TRMT2A: variants seen among roughly 807,000 people sequenced by gnomAD.
The protein encoded by TRMT2A is tRNA (uracil-5-)-methyltransferase homolog A.
TRMT2A carries 60 observed loss-of-function variants against 59.3 expected under a neutral mutation model. That is an observed-to-expected ratio of 1.01 (90% CI 0.82 to 1.26). The LOEUF (loss-of-function observed/expected upper bound fraction) is 1.26, where lower values mean the gene tolerates loss of function less well. TRMT2A is among the 50% of genes most tolerant of loss of function. The pLI is 0.00. For synonymous variants in TRMT2A, 403 were observed against 353.7 expected (o/e 1.14, Z -1.56); for missense variants, 863 against 845.2 (o/e 1.02, Z -0.26).
rs761896320 is a variant in TRMT2A at position 20,114,568 on chromosome 22, G to A, written c.1233+6C>T. On this transcript the variant is annotated splice_donor_region_variant and intron_variant, in intron 7 of 11. Transcript: ENST00000252136. ...GTCCCCATGCCCACCAGGGACTCAT[G>A]GCTACCTGGAAGAAGGCGTGTGGAG... 1.5e-5 allele frequency: 24 copies of A among 1,612,280 alleles called. No homozygotes were observed. The highest frequency in any genetic ancestry group is 3.3e-5 in the Admixed American group (2 of 59,998).
Position 20,116,881 on chromosome 22 carries a change from A to G in TRMT2A, c.24+2T>C. ...TCTACCCAGCGTCTCCCCGCACTCT[A>G]CCTCGTTGTCGAGGTTCTCACTCAT... On this transcript the variant is annotated splice_donor_variant, in intron 1 of 11. Transcript: ENST00000252136. LOFTEE classifies it high-confidence loss of function. 1.3e-6 allele frequency: 2 copies of G among 1,593,346 alleles called. No homozygotes were observed. The highest frequency in any genetic ancestry group is 8.5e-7 in the Non-Finnish European group (1 of 1,174,340).
rs566532042 is a variant in TRMT2A, at chr22:20,116,539, G to A, written c.98C>T (p.Pro33Leu). The A allele has an allele frequency of 1.2e-6, 2 of 1,601,510 alleles. No homozygotes were observed. The highest frequency in any genetic ancestry group is 1.1e-5 in the South Asian group (1 of 90,186). ...CTCCTCCAGGGCTGCCGGGGCTGCAGGGGGCACCGAGACGGTAGGGCAGCT... is the reference window on the plus strand; with the variant it reads ...CTCCTCCAGGGCTGCCGGGGCTGCAAGGGGCACCGAGACGGTAGGGCAGCT... ...ALSCPTVSVP[P>L]AAPAALEEVE... The change falls in exon 2 of 12, where the codon CCT becomes CTT. Residue 33 changes from proline to leucine, a missense_variant. By Grantham distance (98) the Pro-to-Leu change is moderately conservative. Coordinates refer to ENST00000252136, the MANE Select transcript of TRMT2A (RefSeq NM_022727.6).
At position 20,111,998 on chromosome 22, in the gene TRMT2A, C is replaced by G. The variant is rs2147949684; in HGVS notation, c.*565G>C. The G allele has an allele frequency of 6.4e-6, 1 of 155,538 alleles. No homozygotes were observed. The highest frequency in any genetic ancestry group is 6.5e-5 in the Admixed American group (1 of 15,460). 9.6% of individuals were successfully genotyped at this position (155,538 alleles called of 1,614,324 possible). ...TGCCTTTGTAACAGCTGAGCAGCAC[C>G]CCAGCATGGCCCCTTCCTTGGTTGA... is the stretch of plus-strand genomic sequence containing the variant. On this transcript the variant is annotated 3_prime_UTR_variant, in exon 12 of 12. Coordinates refer to ENST00000252136, the MANE Select transcript of TRMT2A (RefSeq NM_022727.6).
rs2049889711 is a variant in TRMT2A, at chr22:20,112,916, A to AAAG, written c.1638_1640dup (p.Phe547dup). 1 of 1,613,552 alleles carries AAAG rather than the reference A, an allele frequency of 6.2e-7. No individual in the cohort carries two copies. Among genetic ancestry groups the AAAG allele is most frequent in the Non-Finnish European group, 8.5e-7 (1 of 1,179,970 alleles). On this transcript the variant is annotated inframe_insertion, in exon 11 of 12. Coordinates refer to ENST00000252136, the MANE Select transcript of TRMT2A (RefSeq NM_022727.6). ...AGGCCCCTGCAGACACTCACTCCAC[A>AAAG]AAGTTGCCCATGGCTGCCCGGGGGT...
At position 20,116,541 on chromosome 22, in the gene TRMT2A, G is replaced by C; in HGVS notation, c.96C>G (p.Pro32=). 1 of 1,600,942 alleles carries C rather than the reference G, an allele frequency of 6.2e-7. No homozygotes were observed. The stretch of plus-strand genomic sequence containing the variant: ...CCTCCAGGGCTGCCGGGGCTGCAGG[G>C]GGCACCGAGACGGTAGGGCAGCTCA... ...SALSCPTVSV[P]PAAPAALEEV... Residue 32 remains proline, a synonymous_variant, in exon 2 of 12, where the codon CCC becomes CCG. Coordinates refer to ENST00000252136, the MANE Select transcript of TRMT2A (RefSeq NM_022727.6).
Position 20,116,614 on chromosome 22 carries a change from T to TG in TRMT2A, c.25-3dup. The TG allele has an allele frequency of 6.5e-7, 1 of 1,534,294 alleles. No individual in the cohort carries two copies. The highest frequency in any genetic ancestry group is 2.1e-5 in the Admixed American group (1 of 47,752). ...ACAGCTCTCCATGGGCTTCGGGCCC[T>TG]GTGTGGGGACAGATGGGGTGCTAGG... On this transcript the variant is annotated splice_polypyrimidine_tract_variant and splice_region_variant and intron_variant, in intron 1 of 11. Transcript: ENST00000252136.
Position 20,116,968 on chromosome 22 carries a change from T to G in TRMT2A, c.-62A>C. On this transcript the variant is annotated 5_prime_UTR_variant, in exon 1 of 12. Transcript: ENST00000252136. ...TGGGGGCCGCCTGGCCACCTCGTCC[T>G]GGGCCTGTCACAAGGGAAGTGGCCT... 6.4e-7 allele frequency: 1 copy of G among 1,558,094 alleles called. No homozygotes were observed. Among genetic ancestry groups the G allele is most frequent in the South Asian group, 1.2e-5 (1 of 84,762 alleles).
chr22:20,113,875 C>T, intron 7 of TRMT2A, 67 bp from the exon 8 acceptor site: 1 of 1,484,326 alleles, frequency 6.7e-7, no homozygotes, highest in Non-Finnish European at 8.9e-7. Context: ...GCCCCGACGC[C>T]CACATTCCTG....
At chr22:20,113,914 G>T (rs962406056) in intron 7 of TRMT2A, 106 bp from the exon 8 acceptor site, 3 of 1,384,886 alleles carry the variant, frequency 2.2e-6, no homozygotes, top group Non-Finnish European at 2.8e-6. Flanking sequence ...GACCTCCGGC[G>T]CCCACTCCCC....
At position 20,112,686 on chromosome 22, in the gene TRMT2A, C is replaced by T. The variant is rs199683338; in HGVS notation, c.1755G>A (p.Leu585=). ...PQTPHCEMLI[L]FERVEHPNGT... is the part of the protein sequence containing the mutation. The stretch of plus-strand genomic sequence containing the variant: ...CATTGGGGTGCTCCACCCTCTCAAA[C>T]AGGATGAGCATCTCACAGTGCGGGG... The change falls in exon 12 of 12, where the codon CTG becomes CTA. Residue 585 remains leucine (L), a synonymous_variant. Coordinates refer to ENST00000252136, the MANE Select transcript of TRMT2A (RefSeq NM_022727.6). 3.1e-6 allele frequency: 5 copies of T among 1,614,094 alleles called. No homozygotes were observed. The highest frequency in any genetic ancestry group is 4.5e-5 in the East Asian group (2 of 44,892).
chr22:20,116,956 G>A lies in TRMT2A; in HGVS notation c.-50C>T, dbSNP rs752780034. The A allele has an allele frequency of 3.2e-6, 5 of 1,567,448 alleles. No individual in the cohort carries two copies. Among genetic ancestry groups the A allele is most frequent in the Non-Finnish European group, 4.3e-6 (5 of 1,155,860 alleles). On this transcript the variant is annotated 5_prime_UTR_variant, in exon 1 of 12. Transcript: ENST00000252136. ...CCAGGGACGCCATGGGGGCCGCCTG[G>A]CCACCTCGTCCTGGGCCTGTCACAA... is the stretch of plus-strand genomic sequence containing the variant.
Position 20,115,051 on chromosome 22 carries a change from C to T in TRMT2A, c.919G>A (p.Glu307Lys). ...RSTPYSAYDP[E>K]TYTGHWKQLT... ...TGCTTCCAGTGGCCTGTGTACGTCT[C>T]TGGGTCGTATGCCGAGTATGGAGTG... Residue 307 changes from glutamate (E) to lysine (K), a missense_variant, in exon 5 of 12, where the codon GAG (glutamate) becomes AAG (lysine). By Grantham distance (56) the Glu-to-Lys change is moderately conservative. Transcript: ENST00000252136. The T allele has an allele frequency of 6.3e-7, 1 of 1,595,700 alleles. No homozygotes were observed. Among genetic ancestry groups the T allele is most frequent in the South Asian group, 1.1e-5 (1 of 88,486 alleles).
rs766263330 is a variant in TRMT2A, at chr22:20,113,023, C to G, written c.1550-16G>C. 5 of 1,613,450 alleles carry G rather than the reference C, an allele frequency of 3.1e-6. No individual in the cohort carries two copies. The highest frequency in any genetic ancestry group is 1.1e-5 in the South Asian group (1 of 91,090). On this transcript the variant is annotated splice_polypyrimidine_tract_variant and intron_variant, in intron 10 of 11. Coordinates refer to ENST00000252136, the MANE Select transcript of TRMT2A (RefSeq NM_022727.6). ...ACCTTGGAATCTGAGGAGGCAAACA[C>G]CAGCTGGGTCCCCACAGCCAGAGAG...
intron 10 of TRMT2A, 40 bp downstream of exon 10, chr22:20,113,078 C>G (rs904719011): frequency 6.2e-7 from 1 of 1,610,086 alleles, no homozygotes; most frequent in East Asian, 2.2e-5. Context: ...CCCCATGTGT[C>G]CTCGTTCCCG....
chr22:20,112,851 G>C, intron 11 of TRMT2A, 57 bp from the exon 12 acceptor site: 1 of 1,612,566 alleles, frequency 6.2e-7, no homozygotes, highest in South Asian at 1.1e-5. Flanking sequence ...AGGGGCTCCT[G>C]TGGGAGCTGG....
At chr22:20,113,359 G>T in intron 9 of TRMT2A, 73 bp downstream of exon 9, 1 of 1,552,688 alleles carries the variant, frequency 6.4e-7, no homozygotes, top group Non-Finnish European at 8.7e-7. Flanking sequence ...CCAAGCCCTG[G>T]CTGTGGCTGA....
chr22:20,116,603 G>A lies in TRMT2A; in HGVS notation c.34C>T (p.Pro12Ser). ...SENLDNEGPK[P>S]MESCGQESSS... ...CTCTCCTGGCCACAGCTCTCCATGG[G>A]CTTCGGGCCCTGTGTGGGGACAGAT... Residue 12 changes from proline (P) to serine (S), a missense_variant, in exon 2 of 12, where the codon CCC becomes TCC. Transcript: ENST00000252136. 1 of 1,540,924 alleles carries A rather than the reference G, an allele frequency of 6.5e-7. No individual in the cohort carries two copies.
In TRMT2A at chr22:20,116,045, G is replaced by A. The variant is rs1452659011; in HGVS notation, c.592C>T (p.Leu198Phe). ...TCTTGCGCCCACACTCACTTGGCAA[G>A]TTTCTGCAGCACCTGCTCGCACTCC... ...QLECEQVLQK[L>F]AKEIGSTNRA... The change falls in exon 2 of 12, where the codon CTT (leucine) becomes TTT (phenylalanine). Residue 198 changes from leucine to phenylalanine, a missense_variant. Leu to Phe is a conservative substitution (Grantham distance 22). Transcript: ENST00000252136. 6.4e-7 allele frequency: 1 copy of A among 1,555,620 alleles called. No individual in the cohort carries two copies. Among genetic ancestry groups the A allele is most frequent in the Non-Finnish European group, 8.7e-7 (1 of 1,147,466 alleles).
At chr22:20,113,939 C>T (rs554872940) in intron 7 of TRMT2A, 131 bp from the exon 8 acceptor site, 15 of 1,285,878 alleles carry the variant, frequency 1.2e-5, no homozygotes, top group South Asian at 1.6e-5. Context: ...TGGTGCCCAA[C>T]GTCTTCCCTG....
Sources: allele counts gnomAD v4.1 joint callset, GRCh38; gene constraint gnomAD v4.1.1; transcripts MANE v1.5; gene names NCBI Gene and HGNC (gene_info 2026-07-23, HGNC 2026-07-21).